DLGAP4: variants seen among roughly 807,000 people sequenced by gnomAD.
DLGAP4 encodes the protein DLG associated protein 4.
DLGAP4 carries 18 observed loss-of-function variants against 86.9 expected under a neutral mutation model. The ratio of observed to expected loss-of-function variants is 0.21; its 90% CI spans 0.14 to 0.31. The LOEUF is 0.31. Ranked by LOEUF, DLGAP4 falls within the 10% of genes least tolerant of loss-of-function variation. The pLI is 1.00. For missense variants in DLGAP4, 1,085 were observed against 1,362.6 expected (o/e 0.80, Z 3.21); for synonymous variants, 548 against 574.3 (o/e 0.95, Z 0.65).
chr20:36,471,147 C>T (rs887605935), intron 7 of DLGAP4, among the ~76,000 whole-genome samples: 4 of 152,300 alleles, frequency 2.6e-5, no homozygotes, highest in Admixed American at 6.5e-5. Flanking sequence ...GAGCTCCTCT[C>T]GTGCTGCACC....
intron 2 of DLGAP4, among the ~76,000 whole-genome samples, chr20:36,428,637 G>T (rs2033044491): frequency 6.6e-6 from 1 of 152,216 alleles, no homozygotes; most frequent in African/African-American, 2.4e-5. Context: ...ACATCCTCCA[G>T]TTCAGCAGGG....
At chr20:36,354,175 T>C (rs1418116813) in intron 1 of DLGAP4, among the ~76,000 whole-genome samples, 1 of 152,118 alleles carries the variant, frequency 6.6e-6, no homozygotes, top group Non-Finnish European at 1.5e-5. Flanking sequence ...ACAGTCCCCA[T>C]ACCTGCAGCT....
chr20:36,327,234 A>T lies in DLGAP4; in HGVS notation c.-304+20722A>T, dbSNP rs538958951. 5.9e-5 allele frequency among the ~76,000 whole-genome samples: 9 copies of T among 152,038 alleles called. No individual in the cohort carries two copies. The South Asian group carries it at 1.5e-3, about 25-fold the overall frequency. ...GGGCTGGTCTTGAACTCCTGACCTC[A>T]AGTGATTCACCCACCTCGGCCTCCC... is the stretch of plus-strand genomic sequence containing the variant. On this transcript the variant is annotated intron_variant, in intron 1 of 12. Transcript: ENST00000339266.
intron 2 of DLGAP4, among the ~76,000 whole-genome samples, chr20:36,385,048 G>A (rs1292666843): frequency 6.6e-6 from 1 of 152,206 alleles, no homozygotes; most frequent in Non-Finnish European, 1.5e-5. Context: ...CCAGCCCAGA[G>A]AAGGGGTGTG....
At chr20:36,510,043 G>A (rs994580350) in intron 10 of DLGAP4, among the ~76,000 whole-genome samples, 1 of 151,442 alleles carries the variant, frequency 6.6e-6, no homozygotes, top group African/African-American at 2.4e-5. Context: ...TTTAGTGTTG[G>A]TCAGGCTGGT....
At chr20:36,487,250 CAACTT>C (rs2035458344) in intron 7 of DLGAP4, among the ~76,000 whole-genome samples, 2 of 152,180 alleles carry the variant, frequency 1.3e-5, no homozygotes, top group South Asian at 4.1e-4. Flanking sequence ...TGGACACACT[CAACTT>C]GAATGGCCTT....
intron 6 of DLGAP4, 95 bp downstream of exon 6, chr20:36,442,872 C>G: frequency 6.5e-7 from 1 of 1,528,560 alleles, no homozygotes; most frequent in Non-Finnish European, 9.1e-7. Context: ...CCGGCCCAGG[C>G]TGGTACAAGC....
At chr20:36,505,178 G>A (rs1238712688) in intron 10 of DLGAP4, among the ~76,000 whole-genome samples, 8 of 151,682 alleles carry the variant, frequency 5.3e-5, no homozygotes, top group Non-Finnish European at 1.2e-4. Context: ...TAGTAGAGAC[G>A]GGGTTTCACC....
Position 36,525,583 on chromosome 20 carries a change from C to CCTGT in DLGAP4, c.2605-264_2605-261dup, listed in dbSNP as rs1472157212. Reference sequence around the variant, plus strand: ...GTTTCTTCCCTGCAAAACGAGAATACCTGTCTGCTAGCATACACATACATT... The same window carrying CCTGT: ...GTTTCTTCCCTGCAAAACGAGAATACCTGTCTGTCTGCTAGCATACACATACATT... On this transcript the variant is annotated intron_variant, in intron 11 of 12. Coordinates refer to ENST00000339266, the MANE Select transcript of DLGAP4 (RefSeq NM_001365621.2). 11 of 523,846 alleles carry CCTGT rather than the reference C, an allele frequency of 2.1e-5. No homozygotes were observed. The East Asian group carries it at 3.0e-4, about 14-fold the overall frequency. 32.4% of individuals were successfully genotyped at this position (523,846 alleles called of 1,614,324 possible). A position where few individuals can be genotyped will look rare whatever the true frequency, so the allele number is the denominator to read the frequency against.
chr20:36,365,803 G>A (rs925112892), intron 1 of DLGAP4, among the ~76,000 whole-genome samples: 5 of 152,298 alleles, frequency 3.3e-5, no homozygotes, highest in Middle Eastern at 3.4e-3. Flanking sequence ...CCCGACCAGC[G>A]ACTGTCCCTT....
intron 1 of DLGAP4, among the ~76,000 whole-genome samples, chr20:36,334,504 A>C (rs1555891907): frequency 6.6e-6 from 1 of 152,200 alleles, no homozygotes; most frequent in African/African-American, 2.4e-5. Flanking sequence ...CTGTGTGTGC[A>C]GCAGGGAGTG....
intron 7 of DLGAP4, among the ~76,000 whole-genome samples, chr20:36,467,056 CTCT>C (rs2034433393): frequency 5.3e-5 from 7 of 131,282 alleles, no homozygotes; most frequent in South Asian, 2.3e-4. Flanking sequence ...CTCTCTCTCT[CTCT>C]CTCTCCCCCC....
intron 7 of DLGAP4, chr20:36,461,751 G>GGGCCCCC: frequency 7.9e-5 from 49 of 618,638 alleles, no homozygotes; most frequent in Middle Eastern, 8.2e-4. Context: ...CCGTCCGTCC[G>GGGCCCCC]CCCGCCCGCC....
intron 2 of DLGAP4, among the ~76,000 whole-genome samples, chr20:36,415,825 T>G (rs778305525): frequency 1.3e-5 from 2 of 152,010 alleles, no homozygotes; most frequent in Non-Finnish European, 2.9e-5. Flanking sequence ...GCCTGGAATC[T>G]CAAGTGGTGG....
At chr20:36,385,404 GTTC>G (rs1326521518) in intron 2 of DLGAP4, among the ~76,000 whole-genome samples, 1 of 152,122 alleles carries the variant, frequency 6.6e-6, no homozygotes, top group African/African-American at 2.4e-5. Flanking sequence ...TGGCAGGTTA[GTTC>G]TTAGTAGTAG....
At chr20:36,473,932 G>A (rs1311762466) in intron 7 of DLGAP4, among the ~76,000 whole-genome samples, 1 of 152,192 alleles carries the variant, frequency 6.6e-6, no homozygotes, top group African/African-American at 2.4e-5. Context: ...GGACTGCTGG[G>A]GTTCAGTTCC....
At chr20:36,521,566 A>C (rs2037382406) in intron 10 of DLGAP4, among the ~76,000 whole-genome samples, 1 of 152,042 alleles carries the variant, frequency 6.6e-6, no homozygotes, top group Non-Finnish European at 1.5e-5. Flanking sequence ...TATTCTATTC[A>C]TGGGGCAGCT....
intron 1 of DLGAP4, among the ~76,000 whole-genome samples, chr20:36,316,571 C>A (rs1455567832): frequency 2.6e-5 from 4 of 152,106 alleles, no homozygotes; most frequent in Non-Finnish European, 4.4e-5. Flanking sequence ...GTAAGGGTCT[C>A]CCACCGGGCA....
At chr20:36,437,372 C>A (rs2147555014) in intron 4 of DLGAP4, among the ~76,000 whole-genome samples, 1 of 152,314 alleles carries the variant, frequency 6.6e-6, no homozygotes, top group South Asian at 2.1e-4. Flanking sequence ...GTAAGTTCCA[C>A]TCCCAGAGGG....
Sources: gnomAD v4.1 joint callset for allele counts (sites outside exome capture counted in the v4.1 genomes callset) on GRCh38, gnomAD v4.1.1 for gene constraint, MANE v1.5 for transcripts, NCBI Gene and HGNC (gene_info 2026-07-23, HGNC 2026-07-21) for gene names.